GRID1: variants seen among roughly 807,000 people sequenced by gnomAD.
The protein encoded by GRID1 is glutamate receptor ionotropic, delta-1.
Under a neutral mutation model 98.0 loss-of-function variants are expected in GRID1, and 28 were observed. The ratio of observed to expected loss-of-function variants is 0.29; its 90% CI spans 0.21 to 0.39. The LOEUF (loss-of-function observed/expected upper bound fraction) is 0.39. GRID1 is among the 10% of genes least tolerant of loss of function. GRID1 has a pLI of 1.00. For synonymous variants in GRID1, 553 were observed against 538.5 expected, an observed-to-expected ratio of 1.03 and a Z score of -0.37; for missense variants, 1,111 against 1,340.5, an observed-to-expected ratio of 0.83 and a Z score of 2.67.
intron 12 of GRID1, among the ~76,000 whole-genome samples, chr10:85,650,888 C>A (rs1482097389): frequency 6.6e-6 from 1 of 152,208 alleles, no homozygotes; most frequent in African/African-American, 2.4e-5. Context: ...ATTTGACAGT[C>A]CTGGGTGTGG....
At chr10:85,709,084 C>A in intron 12 of GRID1, 1 of 334,694 alleles carries the variant, frequency 3.0e-6, no homozygotes, top group South Asian at 3.4e-5. Flanking sequence ...TATTGAAAAC[C>A]CCTGTTAAGG....
At chr10:85,700,807 GA>G (rs1841442272) in intron 12 of GRID1, among the ~76,000 whole-genome samples, 1 of 152,158 alleles carries the variant, frequency 6.6e-6, no homozygotes. Flanking sequence ...TAGAAGCAGA[GA>G]TTTAGATTTC....
chr10:85,812,395 A>G (rs1191506139), intron 8 of GRID1, among the ~76,000 whole-genome samples: 2 of 152,198 alleles, frequency 1.3e-5, no homozygotes, highest in African/African-American at 4.8e-5. Flanking sequence ...TAACCTGTGG[A>G]AATGTGCTTC....
At chr10:86,153,649 G>GGGAC (rs1845201605) in intron 3 of GRID1, among the ~76,000 whole-genome samples, 1 of 152,148 alleles carries the variant, frequency 6.6e-6, no homozygotes. Flanking sequence ...GACATGGCTG[G>GGGAC]ATACCCCAGC....
At chr10:85,921,684 C>T (rs1467472895) in intron 4 of GRID1, among the ~76,000 whole-genome samples, 2 of 152,162 alleles carry the variant, frequency 1.3e-5, no homozygotes, top group African/African-American at 4.8e-5. Flanking sequence ...TGACAGCTGC[C>T]CCTGGACCAT....
chr10:85,686,616 C>T (rs1258568674), intron 12 of GRID1, among the ~76,000 whole-genome samples: 1 of 151,946 alleles, frequency 6.6e-6, no homozygotes, highest in African/African-American at 2.4e-5. Context: ...TTCAATACTA[C>T]TTATACACAT....
intron 8 of GRID1, among the ~76,000 whole-genome samples, chr10:85,739,254 T>C (rs1035790377): frequency 6.6e-6 from 1 of 152,056 alleles, no homozygotes; most frequent in Non-Finnish European, 1.5e-5. Flanking sequence ...CGATGACCTA[T>C]TGGCAAGGAT....
intron 4 of GRID1, among the ~76,000 whole-genome samples, chr10:85,964,479 T>C (rs1241410848): frequency 2.0e-5 from 3 of 152,110 alleles, no homozygotes; most frequent in Non-Finnish European, 4.4e-5. Context: ...GCCTCAGAAA[T>C]AATGTTACAC....
chr10:85,776,833 C>T (rs1842336103), intron 8 of GRID1, among the ~76,000 whole-genome samples: 1 of 152,202 alleles, frequency 6.6e-6, no homozygotes, highest in South Asian at 2.1e-4. Context: ...CAAATCTCTG[C>T]TGTGTCCACT....
At chr10:86,331,459 G>A (rs1013317630) in intron 2 of GRID1, among the ~76,000 whole-genome samples, 59 of 152,286 alleles carry the variant, frequency 3.9e-4, no homozygotes, top group African/African-American at 1.3e-3. Flanking sequence ...GGTAGCAATT[G>A]TGATGCCCCC....
At chr10:86,181,714 G>A (rs1185486434) in intron 3 of GRID1, among the ~76,000 whole-genome samples, 2 of 152,096 alleles carry the variant, frequency 1.3e-5, no homozygotes, top group African/African-American at 4.8e-5. Context: ...GAGCTTATGG[G>A]GTCTATGAGC....
At chr10:86,223,794 G>A (rs1027446180) in intron 2 of GRID1, among the ~76,000 whole-genome samples, 2 of 152,154 alleles carry the variant, frequency 1.3e-5, no homozygotes, top group Admixed American at 6.5e-5. Context: ...TATCACAGAC[G>A]AAGGACCAGC....
At chr10:86,099,931 C>T (rs1169639306) in intron 4 of GRID1, among the ~76,000 whole-genome samples, 1 of 152,184 alleles carries the variant, frequency 6.6e-6, no homozygotes. Context: ...AACTTCAGCA[C>T]CCTCATGGGG....
chr10:86,096,705 T>A (rs1336973279), intron 4 of GRID1, among the ~76,000 whole-genome samples: 3 of 152,212 alleles, frequency 2.0e-5, no homozygotes, highest in Non-Finnish European at 4.4e-5. Flanking sequence ...TTACCCATCA[T>A]CTTGAAGCAG....
intron 4 of GRID1, among the ~76,000 whole-genome samples, chr10:86,056,111 C>A (rs1843568847): frequency 6.6e-6 from 1 of 152,164 alleles, no homozygotes; most frequent in South Asian, 2.1e-4. Flanking sequence ...GTGACCAGAG[C>A]AGGTGGACTC....
At chr10:85,786,452 G>A (rs1303558475) in intron 8 of GRID1, among the ~76,000 whole-genome samples, 2 of 152,212 alleles carry the variant, frequency 1.3e-5, no homozygotes, top group Non-Finnish European at 2.9e-5. Context: ...TTTCCTGGTT[G>A]CTCAGTGGTC....
At chr10:85,695,362 T>C (rs1193501023) in intron 12 of GRID1, among the ~76,000 whole-genome samples, 2 of 152,206 alleles carry the variant, frequency 1.3e-5, no homozygotes, top group Non-Finnish European at 2.9e-5. Context: ...TTATACAACT[T>C]GCTTGCCCCT....
chr10:85,822,825 T>C (rs1364830013), intron 8 of GRID1, among the ~76,000 whole-genome samples: 2 of 152,224 alleles, frequency 1.3e-5, no homozygotes. Context: ...TAAGAAAATG[T>C]GGCACATATA....
intron 8 of GRID1, among the ~76,000 whole-genome samples, chr10:85,817,883 T>A (rs1209223159): frequency 6.6e-6 from 1 of 151,044 alleles, no homozygotes; most frequent in Non-Finnish European, 1.5e-5. Context: ...AAAACAAGAC[T>A]CCGTCTCAGA....
Sources: gnomAD v4.1 joint callset for allele counts (sites outside exome capture counted in the v4.1 genomes callset) on GRCh38, gnomAD v4.1.1 for gene constraint, MANE v1.5 for transcripts, NCBI Gene and HGNC (gene_info 2026-07-23, HGNC 2026-07-21) for gene names.